DDX10: variants seen among roughly 807,000 people sequenced by gnomAD.
DDX10 encodes DEAD-box helicase 10.
In DDX10, 74 loss-of-function variants were observed where a neutral mutation model predicts 104.3. That is an observed-to-expected ratio of 0.71 (90% CI 0.59 to 0.86). DDX10 has a LOEUF of 0.86. Ranked by LOEUF, DDX10 falls within the 40% of genes least tolerant of loss-of-function variation. The pLI is 0.00. For missense variants in DDX10, 952 were observed against 1,040.0 expected (o/e 0.92, Z 1.16); for synonymous variants, 351 against 353.4 (o/e 0.99, Z 0.08).
chr11:108,707,749 T>C (rs1265227517), intron 10 of DDX10, among the ~76,000 whole-genome samples: 2 of 152,186 alleles, frequency 1.3e-5, no homozygotes, highest in Non-Finnish European at 2.9e-5. Flanking sequence ...GATCTTTTCA[T>C]TCCCTTAATA....
At chr11:108,769,040 C>CTA (rs1198309447) in intron 13 of DDX10, among the ~76,000 whole-genome samples, 1 of 152,090 alleles carries the variant, frequency 6.6e-6, no homozygotes, top group Non-Finnish European at 1.5e-5. Flanking sequence ...CTGGCATGTG[C>CTA]TATAGCTTGG....
intron 9 of DDX10, among the ~76,000 whole-genome samples, chr11:108,700,080 G>A (rs1297391945): frequency 1.3e-5 from 2 of 152,132 alleles, no homozygotes; most frequent in Admixed American, 6.5e-5. Context: ...CAAATACCAT[G>A]TTTGTTTCCC....
At chr11:108,925,235 G>A (rs898293666) in intron 17 of DDX10, among the ~76,000 whole-genome samples, 3 of 152,220 alleles carry the variant, frequency 2.0e-5, no homozygotes, top group African/African-American at 4.8e-5. Context: ...ATTTTCTGGG[G>A]TGAGGACTGG....
intron 1 of DDX10, among the ~76,000 whole-genome samples, chr11:108,666,192 A>G (rs1371377648): frequency 6.6e-6 from 1 of 152,190 alleles, no homozygotes; most frequent in Non-Finnish European, 1.5e-5. Flanking sequence ...CAGATGGAAC[A>G]TTCTTGTAAC....
chr11:108,940,185 T>C (rs1218339490), intron 17 of DDX10, 61 bp from the exon 18 acceptor site: 1 of 1,526,966 alleles, frequency 6.5e-7, no homozygotes, highest in Non-Finnish European at 8.9e-7. Flanking sequence ...AATTTTGTCC[T>C]ATTTTAAATG....
At chr11:108,885,261 C>G (rs1863280874) in intron 16 of DDX10, among the ~76,000 whole-genome samples, 1 of 152,000 alleles carries the variant, frequency 6.6e-6, no homozygotes, top group Admixed American at 6.6e-5. Context: ...TCTCCTGGTA[C>G]CTCTAGTAGC....
intron 13 of DDX10, among the ~76,000 whole-genome samples, chr11:108,784,939 G>A (rs1264823507): frequency 6.6e-6 from 1 of 152,132 alleles, no homozygotes; most frequent in African/African-American, 2.4e-5. Context: ...ATCATTTATT[G>A]AATAAGGAGC....
At chr11:108,671,065 C>T (rs74390080) in intron 1 of DDX10, among the ~76,000 whole-genome samples, 2,176 of 152,262 alleles carry the variant, frequency 0.014, 22 homozygotes, top group Non-Finnish European at 0.019. Context: ...TATCTCTTCC[C>T]TGAATTCAGA....
At chr11:108,914,997 A>C (rs1863728096) in intron 16 of DDX10, among the ~76,000 whole-genome samples, 1 of 152,126 alleles carries the variant, frequency 6.6e-6, no homozygotes. Context: ...AGAAAAAAAA[A>C]ATGAAGAAAA....
intron 13 of DDX10, among the ~76,000 whole-genome samples, chr11:108,776,382 T>C (rs1754571490): frequency 6.6e-6 from 1 of 152,202 alleles, no homozygotes; most frequent in South Asian, 2.1e-4. Context: ...TCACTCTGTT[T>C]TGGGATTCTT....
chr11:108,927,403 G>A (rs976397771), intron 17 of DDX10, among the ~76,000 whole-genome samples: 6 of 152,136 alleles, frequency 3.9e-5, no homozygotes, highest in African/African-American at 2.4e-5. Context: ...TGGCCGCACA[G>A]TCTCTTGTTC....
intron 17 of DDX10, among the ~76,000 whole-genome samples, chr11:108,932,228 G>A (rs754809833): frequency 6.6e-6 from 1 of 151,904 alleles, no homozygotes; most frequent in South Asian, 2.1e-4. Flanking sequence ...TGGCCAACAG[G>A]TATAGTTCGC....
chr11:108,821,018 T>C (rs1262939083), intron 13 of DDX10, among the ~76,000 whole-genome samples: 1 of 152,188 alleles, frequency 6.6e-6, no homozygotes, highest in Non-Finnish European at 1.5e-5. Context: ...CAAATAATTA[T>C]TGATTTGTTT....
At chr11:108,814,363 G>A (rs1862226214) in intron 13 of DDX10, among the ~76,000 whole-genome samples, 1 of 151,864 alleles carries the variant, frequency 6.6e-6, no homozygotes, top group South Asian at 2.1e-4. Context: ...AACATAATTT[G>A]TGAAATGTTG....
At chr11:108,832,386 A>G (rs1862485104) in intron 13 of DDX10, among the ~76,000 whole-genome samples, 1 of 152,212 alleles carries the variant, frequency 6.6e-6, no homozygotes. Context: ...AAATAACAAG[A>G]TTACCTTGTA....
intron 15 of DDX10, among the ~76,000 whole-genome samples, chr11:108,844,913 C>T (rs1157441356): frequency 6.6e-6 from 1 of 152,064 alleles, no homozygotes; most frequent in Non-Finnish European, 1.5e-5. Context: ...AGAGTTTCTT[C>T]CTGCCGGGCA....
intron 13 of DDX10, among the ~76,000 whole-genome samples, chr11:108,785,330 G>T (rs924056320): frequency 6.6e-6 from 1 of 152,098 alleles, no homozygotes; most frequent in Non-Finnish European, 1.5e-5. Context: ...TGGTTTGCTG[G>T]TATTTCGTTG....
At chr11:108,859,788 G>T (rs1247074117) in intron 16 of DDX10, among the ~76,000 whole-genome samples, 1 of 152,200 alleles carries the variant, frequency 6.6e-6, no homozygotes, top group East Asian at 1.9e-4. Context: ...ACTTTGTAGA[G>T]AACTGTGCCT....
chr11:108,905,220 A>G (rs1365617515), intron 16 of DDX10, among the ~76,000 whole-genome samples: 1 of 150,180 alleles, frequency 6.7e-6, no homozygotes, highest in Non-Finnish European at 1.5e-5. Flanking sequence ...GTTATAATAG[A>G]TTCCATACAA....
Sources: allele counts gnomAD v4.1 joint callset (sites outside exome capture counted in the v4.1 genomes callset), GRCh38; gene constraint gnomAD v4.1.1; transcripts MANE v1.5; gene names NCBI Gene and HGNC (gene_info 2026-07-23, HGNC 2026-07-21).